UBE2W: variants seen among roughly 807,000 people sequenced by gnomAD.
The protein encoded by UBE2W is ubiquitin conjugating enzyme E2 W, also known as ubiquitin-conjugating enzyme E2 W.
UBE2W carries 18 observed loss-of-function variants against 27.2 expected under a neutral mutation model. The observed-to-expected ratio is 0.66, with a 90% CI of 0.46 to 0.98. The LOEUF is 0.98. UBE2W is among the 50% of genes least tolerant of loss of function. The pLI is 0.00. For synonymous variants in UBE2W, 53 were observed against 57.2 expected (o/e 0.93, Z 0.33); for missense variants, 90 against 180.2 (o/e 0.50, Z 2.87).
chr8:73,795,857 G>A, intron 5 of UBE2W: 3 of 781,970 alleles, frequency 3.8e-6, no homozygotes, highest in Non-Finnish European at 3.1e-6. Flanking sequence ...TGAGGTGGAT[G>A]GACTGCTTGG....
intron 2 of UBE2W, among the ~76,000 whole-genome samples, chr8:73,829,461 T>C (rs993877420): frequency 3.3e-5 from 5 of 152,200 alleles, no homozygotes; most frequent in African/African-American, 1.2e-4. Flanking sequence ...GCTCCATTTT[T>C]GGTTGTTTTA....
At chr8:73,851,061 G>A (rs951475580) in intron 1 of UBE2W, among the ~76,000 whole-genome samples, 1 of 152,044 alleles carries the variant, frequency 6.6e-6, no homozygotes, top group Non-Finnish European at 1.5e-5. Flanking sequence ...ATGTTGCCCA[G>A]GCTGGTCTTG....
chr8:73,866,286 A>ATATAT (rs1452402909), intron 1 of UBE2W, among the ~76,000 whole-genome samples: 27 of 89,708 alleles, frequency 3.0e-4, no homozygotes, highest in South Asian at 7.4e-4. Flanking sequence ...AAAAAAAAAA[A>ATATAT]AAAAATATAT....
intron 1 of UBE2W, among the ~76,000 whole-genome samples, chr8:73,858,971 G>T (rs1452550848): frequency 8.3e-6 from 1 of 120,098 alleles, no homozygotes. Context: ...AAGCACAGGG[G>T]GTTTTTGCGT....
At chr8:73,822,621 A>ATT (rs1809665556) in intron 3 of UBE2W, among the ~76,000 whole-genome samples, 1 of 148,344 alleles carries the variant, frequency 6.7e-6, no homozygotes, top group African/African-American at 2.5e-5. Context: ...AAAAAAAAAA[A>ATT]AAAAAAAAAA....
intron 1 of UBE2W, among the ~76,000 whole-genome samples, chr8:73,850,953 G>T (rs1032375675): frequency 4.0e-5 from 6 of 151,722 alleles, no homozygotes; most frequent in Admixed American, 1.3e-4. Context: ...TCTGCTTCCT[G>T]GGCTCAGGTA....
At chr8:73,857,350 T>C (rs187088626) in intron 1 of UBE2W, among the ~76,000 whole-genome samples, 1 of 152,300 alleles carries the variant, frequency 6.6e-6, no homozygotes, top group East Asian at 1.9e-4. Context: ...CAAACTAAAG[T>C]ATCTCATACA....
intron 1 of UBE2W, among the ~76,000 whole-genome samples, chr8:73,852,629 C>A (rs1488773797): frequency 6.6e-6 from 1 of 151,754 alleles, no homozygotes; most frequent in Non-Finnish European, 1.5e-5. Context: ...ATTTTTTTAC[C>A]TTCCAGGTTT....
intron 1 of UBE2W, among the ~76,000 whole-genome samples, chr8:73,868,715 A>C (rs1811878475): frequency 6.6e-6 from 1 of 152,064 alleles, no homozygotes; most frequent in South Asian, 2.1e-4. Flanking sequence ...AAAAAAAAAA[A>C]AAAACCCACA....
chr8:73,828,061 A>G (rs977301714), intron 2 of UBE2W, among the ~76,000 whole-genome samples: 1 of 152,174 alleles, frequency 6.6e-6, no homozygotes, highest in Non-Finnish European at 1.5e-5. Context: ...AATTTAAACC[A>G]TCAGGGTTTA....
chr8:73,781,701 T>C (rs1427077422), downstream of UBE2W, among the ~76,000 whole-genome samples: 1 of 149,284 alleles, frequency 6.7e-6, no homozygotes, highest in African/African-American at 2.4e-5. Flanking sequence ...TACCCCAGCC[T>C]CCCAAGTAGT....
At chr8:73,846,136 C>A (rs1810787401) in intron 1 of UBE2W, among the ~76,000 whole-genome samples, 1 of 152,184 alleles carries the variant, frequency 6.6e-6, no homozygotes. Context: ...ACCTATAATC[C>A]CAGCACTTTG....
At position 73,805,472 on chromosome 8, in the gene UBE2W, C is replaced by CAAAAAAAAAAAAAAAAAAAAAAAAAAA; in HGVS notation, c.442+178_442+179insTTTTTTTTTTTTTTTTTTTTTTTTTTT. Among the ~76,000 whole-genome samples, 88 of 43,668 alleles carry CAAAAAAAAAAAAAAAAAAAAAAAAAAA rather than the reference C, an allele frequency of 2.0e-3. 8 individuals are homozygous for CAAAAAAAAAAAAAAAAAAAAAAAAAAA. Among genetic ancestry groups the CAAAAAAAAAAAAAAAAAAAAAAAAAAA allele is most frequent in the East Asian group, 5.5e-3 (5 of 910 alleles). The allele number at this position is 43,668 out of a possible 152,430, so 28.6% of individuals were successfully genotyped here. A position where few individuals can be genotyped will look rare whatever the true frequency, so the allele number is the denominator to read the frequency against. On this transcript the variant is annotated intron_variant, in intron 5 of 5. Transcript: ENST00000602593. ...TCCATCTCAAAAAAAAAAAAAAAAA[C>CAAAAAAAAAAAAAAAAAAAAAAAAAAA]AAAAAAAACTAGGGTAATTCATCCA...
At chr8:73,877,881 G>A (rs1040213749) in intron 1 of UBE2W, among the ~76,000 whole-genome samples, 13 of 152,134 alleles carry the variant, frequency 8.5e-5, no homozygotes, top group African/African-American at 2.7e-4. Flanking sequence ...CTAGATTCGG[G>A]AAAAAGGAGT....
In UBE2W at chr8:73,793,663, G is replaced by GT. The variant is rs577381225; in HGVS notation, c.*438dup. Reference sequence around the variant, plus strand: ...TTTATTTATATTCCCACTATAACCAGTAAGTTCATTTCATAGGCCCTATCA... The same window carrying GT: ...TTTATTTATATTCCCACTATAACCAGTTAAGTTCATTTCATAGGCCCTATCA... On this transcript the variant is annotated 3_prime_UTR_variant, in exon 6 of 6. Transcript: ENST00000602593. 40 of 987,898 alleles carry GT rather than the reference G, an allele frequency of 4.0e-5. No individual in the cohort carries two copies. The East Asian group carries it at 4.3e-3, about 106-fold the overall frequency. The allele number at this position is 987,898 out of a possible 1,614,324, so 61.2% of individuals were successfully genotyped here. A position where few individuals can be genotyped will look rare whatever the true frequency, so the allele number is the denominator to read the frequency against.
intron 1 of UBE2W, among the ~76,000 whole-genome samples, chr8:73,870,898 AAAC>A (rs765523033): frequency 1.3e-5 from 2 of 151,992 alleles, no homozygotes; most frequent in South Asian, 2.1e-4. Flanking sequence ...CAAATAGAGA[AAAC>A]AACAAGCAGG....
intron 5 of UBE2W, among the ~76,000 whole-genome samples, chr8:73,802,789 C>T (rs973421428): frequency 2.0e-5 from 3 of 151,850 alleles, no homozygotes; most frequent in South Asian, 2.1e-4. Context: ...TTTGGGAGGC[C>T]GAGGTGGGTG....
intron 5 of UBE2W, 21 bp downstream of exon 5, chr8:73,805,630 T>C (rs763452451): frequency 4.2e-6 from 6 of 1,443,106 alleles, no homozygotes; most frequent in East Asian, 4.8e-5. Flanking sequence ...TAAAAAGTTA[T>C]TACAAATTCA....
rs1807970990 is a variant in UBE2W, at chr8:73,786,714, G to A, written c.*7388C>T. ...CTGAAGAGCAGCCTAGGGACACCAAGGCCAGGTAGTGAAAGGCCCTAATGG... is the reference window on the plus strand; with the variant it reads ...CTGAAGAGCAGCCTAGGGACACCAAAGCCAGGTAGTGAAAGGCCCTAATGG... On this transcript the variant is annotated 3_prime_UTR_variant, in exon 6 of 6. Coordinates refer to ENST00000602593, the MANE Select transcript of UBE2W (RefSeq NM_018299.6). 1.2e-5 allele frequency: 12 copies of A among 985,404 alleles called. No individual in the cohort carries two copies. The highest frequency in any genetic ancestry group is 1.4e-5 in the Non-Finnish European group (12 of 829,932). 61.0% of individuals were successfully genotyped at this position (985,404 alleles called of 1,614,324 possible). A position where few individuals can be genotyped will look rare whatever the true frequency, so the allele number is the denominator to read the frequency against.
Sources: allele counts gnomAD v4.1 joint callset (sites outside exome capture counted in the v4.1 genomes callset), GRCh38; gene constraint gnomAD v4.1.1; transcripts MANE v1.5; gene names NCBI Gene and HGNC (gene_info 2026-07-23, HGNC 2026-07-21).